The following SORCS2 variants were observed in gnomAD, a reference collection of about 807,000 sequenced individuals.
The protein encoded by SORCS2 is sortilin related VPS10 domain containing receptor 2.
SORCS2 carries 100 observed loss-of-function variants against 141.6 expected under a neutral mutation model. That is an observed-to-expected ratio of 0.71 (90% CI 0.60 to 0.83). The LOEUF is 0.83. Among genes scored for constraint, SORCS2 ranks in the 40% least tolerant of loss-of-function variants. The probability of loss-of-function intolerance (pLI) is 0.00; values close to 1 mark genes in which losing one functional copy is unlikely to be tolerated. For missense variants in SORCS2, 1,646 were observed against 1,560.2 expected (o/e 1.05, Z -0.93); for synonymous variants, 789 against 676.9 (o/e 1.17, Z -2.57).
chr4:7,620,704 T>C (rs1719106935), intron 3 of SORCS2, among the ~76,000 whole-genome samples: 2 of 152,230 alleles, frequency 1.3e-5, no homozygotes, highest in South Asian at 4.1e-4. Flanking sequence ...CCCCATAGGT[T>C]GGCCTGGAAG....
intron 3 of SORCS2, among the ~76,000 whole-genome samples, chr4:7,589,265 C>T (rs1195966647): frequency 6.6e-6 from 1 of 152,108 alleles, no homozygotes; most frequent in East Asian, 1.9e-4. Flanking sequence ...AAGGAGGGGT[C>T]AGGTTTGGGA....
At chr4:7,647,421 C>T (rs777035595) in intron 4 of SORCS2, among the ~76,000 whole-genome samples, 5 of 152,180 alleles carry the variant, frequency 3.3e-5, no homozygotes, top group Non-Finnish European at 5.9e-5. Context: ...TCACAGCTGC[C>T]TTTCTCACCG....
chr4:7,451,167 A>G (rs1159524699), intron 2 of SORCS2, among the ~76,000 whole-genome samples: 1 of 152,362 alleles, frequency 6.6e-6, no homozygotes, highest in Admixed American at 6.5e-5. Flanking sequence ...TGAATCAGCA[A>G]GCAAGTGAAT....
intron 2 of SORCS2, among the ~76,000 whole-genome samples, chr4:7,410,003 C>T (rs1356379097): frequency 1.3e-5 from 2 of 152,234 alleles, no homozygotes; most frequent in Non-Finnish European, 2.9e-5. Context: ...AACAGCAATG[C>T]AGCGTCCTCT....
rs1712639454 is a variant in SORCS2, at chr4:7,741,172, G to A, written c.*908G>A. ...GTGGGTGGTGGAGACGGCACCAGAT[G>A]TACCAGTTTTCTGCAGTTCCTTATA... On this transcript the variant is annotated 3_prime_UTR_variant, in exon 27 of 27. Transcript: ENST00000507866. The A allele has an allele frequency of 2.5e-6, 1 of 398,720 alleles. No individual in the cohort carries two copies. The highest frequency in any genetic ancestry group is 1.3e-4 in the South Asian group (1 of 7,854). 24.7% of individuals were successfully genotyped at this position (398,720 alleles called of 1,614,324 possible). A position where few individuals can be genotyped will look rare whatever the true frequency, so the allele number is the denominator to read the frequency against.
intron 3 of SORCS2, among the ~76,000 whole-genome samples, chr4:7,613,848 C>T (rs752747853): frequency 7.9e-5 from 12 of 151,812 alleles, no homozygotes; most frequent in African/African-American, 1.5e-4. Context: ...TTCACTCATC[C>T]GCCATCTACC....
intron 3 of SORCS2, among the ~76,000 whole-genome samples, chr4:7,623,246 A>G (rs888102898): frequency 1.2e-4 from 19 of 152,100 alleles, no homozygotes; most frequent in African/African-American, 4.6e-4. Flanking sequence ...CCTTCGGGAG[A>G]CACCAATATT....
At chr4:7,277,049 C>T (rs1158905051) in intron 1 of SORCS2, among the ~76,000 whole-genome samples, 2 of 149,206 alleles carry the variant, frequency 1.3e-5, no homozygotes, top group African/African-American at 2.5e-5. Context: ...CTGTCCAGCC[C>T]CAGGACAGGA....
chr4:7,723,489 C>A (rs184314479), intron 18 of SORCS2, among the ~76,000 whole-genome samples: 122 of 152,296 alleles, frequency 8.0e-4, no homozygotes, highest in African/African-American at 2.5e-3. Flanking sequence ...CCTAGTTAAA[C>A]CAGCTGCCTT....
At chr4:7,355,974 T>C (rs1721227530) in intron 1 of SORCS2, among the ~76,000 whole-genome samples, 1 of 152,202 alleles carries the variant, frequency 6.6e-6, no homozygotes, top group South Asian at 2.1e-4. Flanking sequence ...CTTCCACTCT[T>C]CCCTGGGTTT....
At chr4:7,571,661 C>T (rs931520425) in intron 3 of SORCS2, among the ~76,000 whole-genome samples, 4 of 151,774 alleles carry the variant, frequency 2.6e-5, no homozygotes, top group East Asian at 1.9e-4. Context: ...GGACTGGGGC[C>T]GAGAGGGAGG....
intron 1 of SORCS2, among the ~76,000 whole-genome samples, chr4:7,373,296 T>C (rs1340935588): frequency 6.6e-6 from 1 of 151,020 alleles, no homozygotes; most frequent in African/African-American, 2.4e-5. Flanking sequence ...TGACATTGCA[T>C]TGTGATTTAA....
rs567229445 is a variant in SORCS2, at chr4:7,279,250, C to A, written c.480+86124C>A. Reference sequence around the variant, plus strand: ...AAAAACAGTGTAAAAATAAAATCAGCAAGAAAAAAAGGAAAAACATCAGAT... The same window carrying A: ...AAAAACAGTGTAAAAATAAAATCAGAAAGAAAAAAAGGAAAAACATCAGAT... On this transcript the variant is annotated intron_variant, in intron 1 of 26. Transcript: ENST00000507866. Among the ~76,000 whole-genome samples the A allele has an allele frequency of 7.9e-5, 12 of 152,078 alleles. No homozygotes were observed. The East Asian group carries it at 2.1e-3, about 27-fold the overall frequency.
intron 1 of SORCS2, among the ~76,000 whole-genome samples, chr4:7,338,833 C>T (rs1394887151): frequency 6.6e-6 from 1 of 152,228 alleles, no homozygotes; most frequent in Non-Finnish European, 1.5e-5. Flanking sequence ...GCCCAGAGGC[C>T]TGTTTCAAAG....
intron 3 of SORCS2, among the ~76,000 whole-genome samples, chr4:7,578,328 G>A (rs560285256): frequency 1.3e-5 from 2 of 152,214 alleles, no homozygotes; most frequent in South Asian, 2.1e-4. Context: ...TAAATTACCC[G>A]GTGTCAGATA....
intron 1 of SORCS2, among the ~76,000 whole-genome samples, chr4:7,247,961 A>G (rs1713223954): frequency 6.6e-6 from 1 of 152,206 alleles, no homozygotes. Flanking sequence ...TCCTTACTCC[A>G]TGTATGACAG....
intron 1 of SORCS2, among the ~76,000 whole-genome samples, chr4:7,269,726 C>A (rs1191234325): frequency 6.6e-6 from 1 of 152,186 alleles, no homozygotes; most frequent in Non-Finnish European, 1.5e-5. Context: ...AACAAGCCCC[C>A]CAGCCCCCAA....
Position 7,703,321 on chromosome 4 carries a change from C to A in SORCS2, c.1710C>A (p.Gly570=). 1 of 1,613,374 alleles carries A rather than the reference C, an allele frequency of 6.2e-7. No homozygotes were observed. Among genetic ancestry groups the A allele is most frequent in the South Asian group, 1.1e-5 (1 of 90,896 alleles). Residue 570 remains glycine (G), a synonymous_variant, in exon 13 of 27, where the codon GGC becomes GGA. Coordinates refer to ENST00000507866, the MANE Select transcript of SORCS2 (RefSeq NM_020777.3). ...EEHHILYLDH[G]GVIVAIKDTS... is the part of the protein sequence containing the mutation. ...ATCACATCCTGTACCTGGACCACGG[C>A]GGCGTGATCGTGGCCATCAAAGACA...
At chr4:7,685,313 C>T (rs953252108) in intron 10 of SORCS2, among the ~76,000 whole-genome samples, 3 of 151,992 alleles carry the variant, frequency 2.0e-5, no homozygotes, top group African/African-American at 7.2e-5. Flanking sequence ...TGTGGGAACC[C>T]GACTGGGCAC....
Sources: allele counts gnomAD v4.1 joint callset (sites outside exome capture counted in the v4.1 genomes callset), GRCh38; gene constraint gnomAD v4.1.1; transcripts MANE v1.5; gene names NCBI Gene and HGNC (gene_info 2026-07-23, HGNC 2026-07-21).